Variants in LCK observed in about 807,000 individuals in gnomAD.
The protein encoded by LCK is tyrosine-protein kinase Lck.
In LCK, 14 loss-of-function variants were observed where a neutral mutation model predicts 64.6. That is an observed-to-expected ratio of 0.22 (90% CI 0.14 to 0.34). LCK has a LOEUF of 0.34. Among genes scored for constraint, LCK ranks in the 10% least tolerant of loss-of-function variants. The pLI is 1.00. For synonymous variants in LCK, 277 were observed against 263.6 expected, an observed-to-expected ratio of 1.05 and a Z score of -0.49; for missense variants, 434 against 668.1, an observed-to-expected ratio of 0.65 and a Z score of 3.86.
intron 1 of LCK, among the ~76,000 whole-genome samples, chr1:32,252,541 C>T (rs1331940317): frequency 6.6e-6 from 1 of 152,188 alleles, no homozygotes; most frequent in Non-Finnish European, 1.5e-5. Flanking sequence ...GTCCTGTAGC[C>T]TCTTGTGGGG....
Position 32,285,833 on chromosome 1 carries a change from C to T in LCK, c.*117C>T. On this transcript the variant is annotated 3_prime_UTR_variant, in exon 13 of 13. Transcript: ENST00000336890. ...ACATATGGACTCTGCACATGAATCC[C>T]ACCCACATGTGACACATATGCACCT... is the stretch of plus-strand genomic sequence containing the variant. The T allele has an allele frequency of 1.9e-6, 2 of 1,067,026 alleles. No individual in the cohort carries two copies. The highest frequency in any genetic ancestry group is 2.7e-6 in the Non-Finnish European group (2 of 729,702). The allele number at this position is 1,067,026 out of a possible 1,614,324, so 66.1% of individuals were successfully genotyped here.
intron 3 of LCK, 84 bp downstream of exon 3, chr1:32,274,902 C>T (rs767703619): frequency 5.1e-5 from 82 of 1,613,808 alleles, no homozygotes; most frequent in Non-Finnish European, 6.5e-5. Flanking sequence ...CTACTTTCTC[C>T]CCGGTCTTGC....
intron 1 of LCK, among the ~76,000 whole-genome samples, chr1:32,268,759 G>C (rs1384936995): frequency 6.7e-6 from 1 of 150,118 alleles, no homozygotes; most frequent in Non-Finnish European, 1.5e-5. Flanking sequence ...GTTGCGGTGG[G>C]CCGAGATCGT....
chr1:32,263,495 C>G lies in LCK; in HGVS notation c.-5-10830C>G, dbSNP rs772907715. Among the ~76,000 whole-genome samples the G allele has an allele frequency of 3.3e-5, 5 of 151,936 alleles. No individual in the cohort carries two copies. The East Asian group carries it at 9.7e-4, about 29-fold the overall frequency. ...CCCATGCCTGCCATCCCAACACTTT[C>G]GGAGTCTGAGGTGGGAGGACTGCTT... On this transcript the variant is annotated intron_variant, in intron 1 of 12. Transcript: ENST00000336890.
At chr1:32,261,996 T>C (rs1487278134) in intron 1 of LCK, among the ~76,000 whole-genome samples, 1 of 137,040 alleles carries the variant, frequency 7.3e-6, no homozygotes. Context: ...TGCCTCAGCC[T>C]CCCAAGTAGC....
At position 32,275,883 on chromosome 1, in the gene LCK, C is replaced by T; in HGVS notation, c.482-31C>T. On this transcript the variant is annotated intron_variant, in intron 6 of 12. Coordinates refer to ENST00000336890, the MANE Select transcript of LCK (RefSeq NM_005356.5). The surrounding 1 kb of genome is among the most constrained non-coding windows in gnomAD (Gnocchi z 6.9). ...GCGGGCCAGACTCACTGCGTTCTTTCGTCGCTTTGTCCATCCATTCATTCA... is the reference window on the plus strand; with the variant it reads ...GCGGGCCAGACTCACTGCGTTCTTTTGTCGCTTTGTCCATCCATTCATTCA... 1 of 1,611,980 alleles carries T rather than the reference C, an allele frequency of 6.2e-7. No homozygotes were observed. Among genetic ancestry groups the T allele is most frequent in the Non-Finnish European group, 8.5e-7 (1 of 1,178,496 alleles).
chr1:32,270,454 G>T (rs1331258257), intron 1 of LCK, among the ~76,000 whole-genome samples: 1 of 151,592 alleles, frequency 6.6e-6, no homozygotes, highest in African/African-American at 2.4e-5. Flanking sequence ...GAGTGCAGTG[G>T]CTTGATCTCG....
At chr1:32,269,436 T>A (rs1640018759) in intron 1 of LCK, 1 of 151,068 alleles carries the variant, frequency 6.6e-6, no homozygotes, top group Non-Finnish European at 1.5e-5. Context: ...AGATTCTGTC[T>A]GTTTTTTTTT....
At chr1:32,253,882 A>G (rs1020496118) in intron 1 of LCK, among the ~76,000 whole-genome samples, 3 of 151,226 alleles carry the variant, frequency 2.0e-5, no homozygotes, top group African/African-American at 7.3e-5. Flanking sequence ...CACAAGCCAA[A>G]ACACCATACA....
rs901813678 is a variant in LCK, at chr1:32,279,872, G to A, written c.1073G>A (p.Arg358Gln). The A allele has an allele frequency of 1.4e-5, 23 of 1,614,100 alleles. No homozygotes were observed. The highest frequency in any genetic ancestry group is 1.6e-4 in the Middle Eastern group (1 of 6,084). The change falls in exon 11 of 13, where the codon CGG becomes CAG. Residue 358 changes from arginine to glutamine, a missense_variant. Physicochemically the swap from Arg to Gln is conservative, Grantham distance 43. Transcript: ENST00000336890. The stretch of plus-strand genomic sequence containing the variant: ...GAAGGCATGGCATTCATTGAAGAGC[G>A]GAATTATATTCATCGTGACCTTCGG... The part of the protein sequence containing the change: ...IAEGMAFIEE[R>Q]NYIHRDLRAA...
Position 32,275,164 on chromosome 1 carries a change from T to A in LCK, c.278+81T>A. ...CGACCCGCAGCCCTCCTGCGGCCCT[T>A]GACCAGCTCGGGGTGGCCGCCCTTG... On this transcript the variant is annotated intron_variant, in intron 4 of 12. Coordinates refer to ENST00000336890, the MANE Select transcript of LCK (RefSeq NM_005356.5). The surrounding 1 kb of genome is among the most constrained non-coding windows in gnomAD (Gnocchi z 6.9). 6.7e-7 allele frequency: 1 copy of A among 1,494,290 alleles called. No individual in the cohort carries two copies. Among genetic ancestry groups the A allele is most frequent in the Middle Eastern group, 1.7e-4 (1 of 5,736 alleles). 92.6% of individuals were successfully genotyped at this position (1,494,290 alleles called of 1,614,324 possible).
chr1:32,281,459 C>CAAAAAAA (rs1218686624), intron 12 of LCK, among the ~76,000 whole-genome samples: 1 of 60,980 alleles, frequency 1.6e-5, no homozygotes, highest in Admixed American at 2.0e-4. Context: ...GAATTTGTCT[C>CAAAAAAA]AAAAAAAAAA....
At chr1:32,274,690 A>G in intron 2 of LCK, 47 bp from the exon 3 acceptor site, 1 of 1,451,404 alleles carries the variant, frequency 6.9e-7, no homozygotes, top group Non-Finnish European at 9.4e-7. Context: ...CCAGGGTCTG[A>G]CCCAATCTTC....
intron 9 of LCK, among the ~76,000 whole-genome samples, chr1:32,278,519 A>G (rs1378539536): frequency 6.6e-6 from 1 of 151,978 alleles, no homozygotes; most frequent in Non-Finnish European, 1.5e-5. Context: ...TTGTATTTTT[A>G]GTAGAGACAG....
intron 1 of LCK, among the ~76,000 whole-genome samples, chr1:32,254,755 G>A (rs1362661510): frequency 3.3e-5 from 5 of 150,712 alleles, no homozygotes; most frequent in African/African-American, 7.3e-5. Context: ...CAGGTGATCC[G>A]CCTGCCTCAG....
chr1:32,255,676 C>G (rs1639612497), intron 1 of LCK, among the ~76,000 whole-genome samples: 7 of 152,164 alleles, frequency 4.6e-5, no homozygotes, highest in Admixed American at 4.6e-4. Flanking sequence ...AGTGACCCAC[C>G]AGAGGGGCAC....
chr1:32,254,702 G>A (rs937034104), intron 1 of LCK, among the ~76,000 whole-genome samples: 3 of 151,426 alleles, frequency 2.0e-5, no homozygotes, highest in Non-Finnish European at 4.4e-5. Flanking sequence ...AGTAGAGATG[G>A]GGTTTCTCCA....
chr1:32,260,694 C>T (rs1639745516), intron 1 of LCK, among the ~76,000 whole-genome samples: 1 of 152,122 alleles, frequency 6.6e-6, no homozygotes, highest in African/African-American at 2.4e-5. Context: ...ATGATATTGG[C>T]TCACTGCAAC....
chr1:32,253,541 C>G (rs532073997), intron 1 of LCK, among the ~76,000 whole-genome samples: 1 of 152,300 alleles, frequency 6.6e-6, no homozygotes, highest in Admixed American at 6.5e-5. Context: ...CTCGGCCCCC[C>G]AAAGTGCTGG....
Sources: allele counts gnomAD v4.1 joint callset (sites outside exome capture counted in the v4.1 genomes callset), GRCh38; gene constraint gnomAD v4.1.1; non-coding constraint Gnocchi (gnomAD v3.1); transcripts MANE v1.5; gene names NCBI Gene and HGNC (gene_info 2026-07-23, HGNC 2026-07-21).